DCLRE1C: variants seen among roughly 807,000 people sequenced by gnomAD.
DCLRE1C encodes the protein protein artemis.
Under a neutral mutation model 61.4 loss-of-function variants are expected in DCLRE1C, and 47 were observed. The ratio of observed to expected loss-of-function variants is 0.77; its 90% CI spans 0.61 to 0.98. The LOEUF is 0.98. Ranked by LOEUF, DCLRE1C falls within the 50% of genes least tolerant of loss-of-function variation. The pLI, the probability that DCLRE1C is intolerant of heterozygous loss-of-function variation, is 0.00. For synonymous variants in DCLRE1C, 337 were observed against 287.6 expected (o/e 1.17, Z -1.74); for missense variants, 858 against 816.0 (o/e 1.05, Z -0.63).
At chr10:14,947,256 T>G (rs182493152) in intron 2 of DCLRE1C, among the ~76,000 whole-genome samples, 5 of 152,060 alleles carry the variant, frequency 3.3e-5, no homozygotes, top group Non-Finnish European at 7.4e-5. Flanking sequence ...ACATGCCAAA[T>G]GGTTCTAGCC....
chr10:14,937,937 C>T (rs1840234715), intron 4 of DCLRE1C, among the ~76,000 whole-genome samples: 1 of 151,144 alleles, frequency 6.6e-6, no homozygotes, highest in East Asian at 1.9e-4. Context: ...CTGGATGAGG[C>T]CTGGTCCCGA....
At chr10:14,921,449 G>A (rs1255460820) in intron 12 of DCLRE1C, among the ~76,000 whole-genome samples, 1 of 152,124 alleles carries the variant, frequency 6.6e-6, no homozygotes, top group Non-Finnish European at 1.5e-5. Flanking sequence ...TGATTCTGTT[G>A]CCTCCTGTTG....
chr10:14,942,974 A>G (rs1774877516), intron 3 of DCLRE1C, among the ~76,000 whole-genome samples: 1 of 152,150 alleles, frequency 6.6e-6, no homozygotes, highest in South Asian at 2.1e-4. Flanking sequence ...AAAAATACAA[A>G]AATTAGCCAG....
At chr10:14,926,627 C>G (rs531749785) in intron 11 of DCLRE1C, among the ~76,000 whole-genome samples, 395 of 147,408 alleles carry the variant, frequency 2.7e-3, no homozygotes, top group African/African-American at 9.2e-3. Context: ...GTACCCCAAC[C>G]TGGGCGACAG....
In DCLRE1C at chr10:14,919,818, C is replaced by T. The variant is rs1588965535; in HGVS notation, c.1076G>A (p.Cys359Tyr). Residue 359 changes from cysteine (C) to tyrosine (Y), a missense_variant, in exon 13 of 14, where the codon TGC becomes TAC. Transcript: ENST00000378278. Reference protein sequence around the residue: ...DKVVEILKPLCRSSQSTEPKY... With the variant: ...DKVVEILKPLYRSSQSTEPKY... The stretch of plus-strand genomic sequence containing the variant: ...TGGCTCCGTACTTTGGGAAGACCGG[C>T]ATAAAGGCTTTAAGCTGAAATGAAT... 6.2e-7 allele frequency: 1 copy of T among 1,613,216 alleles called. No homozygotes were observed. The highest frequency in any genetic ancestry group is 1.3e-5 in the African/African-American group (1 of 74,890).
chr10:14,917,204 A>T (rs747637470), intron 13 of DCLRE1C, among the ~76,000 whole-genome samples: 1 of 152,242 alleles, frequency 6.6e-6, no homozygotes, highest in Admixed American at 6.5e-5. Flanking sequence ...ACAGACACAC[A>T]CACAAAATTA....
chr10:14,936,900 C>T (rs1432487005), intron 4 of DCLRE1C, among the ~76,000 whole-genome samples: 1 of 152,204 alleles, frequency 6.6e-6, no homozygotes, highest in Admixed American at 6.5e-5. Context: ...AAGGTGGAAC[C>T]AGTTCAAATG....
chr10:14,949,765 T>G (rs529580246), intron 1 of DCLRE1C, among the ~76,000 whole-genome samples: 1 of 152,302 alleles, frequency 6.6e-6, no homozygotes, highest in South Asian at 2.1e-4. Context: ...ACTAAACCAG[T>G]TGGACATGGT....
At chr10:14,935,685 T>C in intron 5 of DCLRE1C, 121 bp from the exon 6 acceptor site, 3 of 1,009,806 alleles carry the variant, frequency 3.0e-6, no homozygotes, top group Non-Finnish European at 4.6e-6. Flanking sequence ...ACAATGGTAA[T>C]GGAATTCCAC....
chr10:14,897,952 T>C (rs898382600), exon 14 of DCLRE1C: 1 of 152,432 alleles, frequency 6.6e-6, no homozygotes, highest in Non-Finnish European at 1.5e-5. Flanking sequence ...TGAAAGATAC[T>C]ATATTTATGA....
At chr10:14,931,836 C>T (rs1839046413) in intron 9 of DCLRE1C, among the ~76,000 whole-genome samples, 1 of 152,110 alleles carries the variant, frequency 6.6e-6, no homozygotes, top group South Asian at 2.1e-4. Context: ...ATCAGGAGTT[C>T]AAGACCCCCC....
At chr10:14,898,248 T>C (rs1002649505) in exon 14 of DCLRE1C, 2 of 144,432 alleles carry the variant, frequency 1.4e-5, no homozygotes, top group African/African-American at 5.2e-5. Flanking sequence ...AGTACTGTTA[T>C]GTCCATTATT....
In DCLRE1C at chr10:14,934,496, C is replaced by G; in HGVS notation, c.562G>C (p.Glu188Gln). ...SREECLSGVL[E>Q]LVRSWITRSP... is the part of the protein sequence containing the mutation. ...CGAGTGATCCAGCTTCGGACCAGCTCTAAGACTCCACTTAAACACTCCTCC... is the reference window on the plus strand; with the variant it reads ...CGAGTGATCCAGCTTCGGACCAGCTGTAAGACTCCACTTAAACACTCCTCC... The change falls in exon 8 of 14, where the codon GAG (glutamate) becomes CAG (glutamine). Residue 188 changes from glutamate (E) to glutamine (Q), a missense_variant. Glu to Gln is a conservative substitution (Grantham distance 29, BLOSUM62 2). Around this residue, in one of 2 missense-constraint regions of DCLRE1C, gnomAD observed 843 missense variants for 783.5 expected, o/e 1.08. Transcript: ENST00000378278. 6.2e-7 allele frequency: 1 copy of G among 1,614,184 alleles called. No homozygotes were observed. The highest frequency in any genetic ancestry group is 1.3e-5 in the African/African-American group (1 of 75,044).
At chr10:14,952,459 G>A (rs550662884) in intron 1 of DCLRE1C, among the ~76,000 whole-genome samples, 4 of 152,158 alleles carry the variant, frequency 2.6e-5, no homozygotes, top group Non-Finnish European at 4.4e-5. Context: ...GTGGTGGTGC[G>A]TGCCTGTAAC....
In DCLRE1C at chr10:14,906,807, A is replaced by C. The variant is rs1449505636; in HGVS notation, c.*1601T>G. ...CTTGTTAAAAATCCTCATACATAAC[A>C]CAAAAGCCTAACACATTGATGGACT... On this transcript the variant is annotated 3_prime_UTR_variant, in exon 14 of 14. Transcript: ENST00000378278. Among the ~76,000 whole-genome samples the C allele has an allele frequency of 6.6e-6, 1 of 152,252 alleles. No individual in the cohort carries two copies. Among genetic ancestry groups the C allele is most frequent in the Non-Finnish European group, 1.5e-5 (1 of 68,040 alleles).
intron 13 of DCLRE1C, among the ~76,000 whole-genome samples, chr10:14,913,340 T>C (rs929276708): frequency 6.6e-6 from 1 of 152,268 alleles, no homozygotes; most frequent in African/African-American, 2.4e-5. Flanking sequence ...AATTCTGTTA[T>C]ACTAACAGTC....
intron 9 of DCLRE1C, among the ~76,000 whole-genome samples, chr10:14,929,638 T>TA (rs566413133): frequency 1.3e-4 from 20 of 152,058 alleles, no homozygotes; most frequent in South Asian, 6.2e-4. Context: ...CAAGACTCTA[T>TA]AAAATAAATT....
intron 1 of DCLRE1C, among the ~76,000 whole-genome samples, chr10:14,951,389 C>CAAAAAA (rs60272216): frequency 6.5e-5 from 3 of 46,060 alleles, no homozygotes; most frequent in Non-Finnish European, 8.4e-5. Context: ...AACCCTGTCT[C>CAAAAAA]AAAAAAAAAA....
intron 13 of DCLRE1C, among the ~76,000 whole-genome samples, chr10:14,916,815 G>A (rs561413987): frequency 6.6e-6 from 1 of 152,212 alleles, no homozygotes; most frequent in Non-Finnish European, 1.5e-5. Flanking sequence ...ATTCAGTATT[G>A]TTAAGATGCC....
Sources: allele counts gnomAD v4.1 joint callset (sites outside exome capture counted in the v4.1 genomes callset), GRCh38; gene constraint gnomAD v4.1.1; regional missense constraint gnomAD v4.1.1; transcripts MANE v1.5; gene names NCBI Gene and HGNC (gene_info 2026-07-23, HGNC 2026-07-21).